The following MAPK10 variants were observed in gnomAD, a reference collection of about 807,000 sequenced individuals.
MAPK10 encodes the protein JNK3 alpha protein kinase.
MAPK10 carries 25 observed loss-of-function variants against 59.3 expected under a neutral mutation model. The ratio of observed to expected loss-of-function variants is 0.42; its 90% CI spans 0.31 to 0.59. The LOEUF (loss-of-function observed/expected upper bound fraction) is 0.59, where lower values mean the gene tolerates loss of function less well. Ranked by LOEUF, MAPK10 falls within the 20% of genes least tolerant of loss-of-function variation. The probability of loss-of-function intolerance (pLI) is 0.15; values close to 1 mark genes in which losing one functional copy is unlikely to be tolerated. For synonymous variants in MAPK10, 190 were observed against 200.5 expected, an observed-to-expected ratio of 0.95 and a Z score of 0.44; for missense variants, 351 against 568.9, an observed-to-expected ratio of 0.62 and a Z score of 3.90.
intron 1 of MAPK10, among the ~76,000 whole-genome samples, chr4:86,419,195 G>T (rs1479138570): frequency 6.6e-6 from 1 of 152,094 alleles, no homozygotes; most frequent in Non-Finnish European, 1.5e-5. Flanking sequence ...TTAAAGAACA[G>T]CTGTGGCTAT....
intron 9 of MAPK10, among the ~76,000 whole-genome samples, chr4:86,094,004 ATTGTC>A (rs2053745076): frequency 2.0e-5 from 3 of 151,906 alleles, no homozygotes; most frequent in African/African-American, 7.2e-5. Context: ...ATAACTCTGT[ATTGTC>A]TTAATTCTAA....
At chr4:86,562,765 T>C (rs558200800) in intron 1 of MAPK10, among the ~76,000 whole-genome samples, 45 of 152,276 alleles carry the variant, frequency 3.0e-4, no homozygotes, top group Admixed American at 2.7e-3. Flanking sequence ...AGTTAAACTA[T>C]GTTGCAAATC....
At chr4:86,284,976 C>T (rs1234130408) in intron 2 of MAPK10, among the ~76,000 whole-genome samples, 2 of 152,136 alleles carry the variant, frequency 1.3e-5, no homozygotes, top group Admixed American at 6.5e-5. Context: ...CTATCCATTG[C>T]CTTTTGCAGT....
intron 4 of MAPK10, chr4:86,152,354 T>A (rs1231658409): frequency 6.6e-6 from 1 of 152,168 alleles, no homozygotes; most frequent in Non-Finnish European, 1.5e-5. Flanking sequence ...ATGAAGTGAC[T>A]GAGTACCTTC....
intron 2 of MAPK10, among the ~76,000 whole-genome samples, chr4:86,348,581 T>A (rs1299096822): frequency 1.3e-5 from 2 of 152,164 alleles, no homozygotes; most frequent in African/African-American, 4.8e-5. Context: ...AAGCTCTTCA[T>A]ACTTGGTCAA....
At chr4:86,262,198 G>T (rs1390019752) in intron 2 of MAPK10, among the ~76,000 whole-genome samples, 1 of 152,180 alleles carries the variant, frequency 6.6e-6, no homozygotes, top group African/African-American at 2.4e-5. Context: ...GCGGGAGTGG[G>T]TTAGCTATCA....
At chr4:86,391,424 A>G (rs762333050) in intron 1 of MAPK10, among the ~76,000 whole-genome samples, 4 of 152,196 alleles carry the variant, frequency 2.6e-5, no homozygotes, top group African/African-American at 4.8e-5. Context: ...GCATGTATCT[A>G]CATGCAACGT....
rs2148890064 is a variant in MAPK10, at chr4:86,017,729, A to AT, written c.1253-360dup. On this transcript the variant is annotated intron_variant, in intron 13 of 13. Transcript: ENST00000641462. This position sits in a 1 kb window ranked among gnomAD's most constrained non-coding sequence, Gnocchi z 4.4. ...GGCCAAGGTATTTGCATTTTTATTT[A>AT]TTTATTTTTTTTGAGATGGAGTCTC... Among the ~76,000 whole-genome samples the AT allele has an allele frequency of 6.6e-6, 1 of 152,050 alleles. No individual in the cohort carries two copies. Among genetic ancestry groups the AT allele is most frequent in the South Asian group, 2.1e-4 (1 of 4,818 alleles).
At chr4:86,186,403 G>C (rs887543335) in intron 3 of MAPK10, among the ~76,000 whole-genome samples, 6 of 152,012 alleles carry the variant, frequency 3.9e-5, no homozygotes, top group Non-Finnish European at 8.8e-5. Flanking sequence ...TTCATTGCAG[G>C]CAACACATTT....
At chr4:86,267,171 G>T (rs2094277322) in intron 2 of MAPK10, among the ~76,000 whole-genome samples, 1 of 152,114 alleles carries the variant, frequency 6.6e-6, no homozygotes, top group Non-Finnish European at 1.5e-5. Context: ...GAACAGAAAA[G>T]TTCACAGAAG....
intron 1 of MAPK10, among the ~76,000 whole-genome samples, chr4:86,583,014 T>C (rs1762410152): frequency 1.3e-5 from 2 of 152,072 alleles, no homozygotes; most frequent in African/African-American, 4.8e-5. Context: ...TAATTAGTGA[T>C]TGATGGAAAA....
intron 11 of MAPK10, among the ~76,000 whole-genome samples, chr4:86,057,351 A>G (rs1484364517): frequency 6.7e-6 from 1 of 150,328 alleles, no homozygotes; most frequent in African/African-American, 2.5e-5. Context: ...ATCTGGTTGA[A>G]GATTAGCAGA....
intron 1 of MAPK10, among the ~76,000 whole-genome samples, chr4:86,405,844 A>T (rs1242046155): frequency 1.3e-5 from 2 of 152,198 alleles, no homozygotes; most frequent in East Asian, 3.9e-4. Flanking sequence ...TTTTAGCTCA[A>T]TGTCTAGAAG....
chr4:86,353,229 T>C (rs1364252396), intron 2 of MAPK10, among the ~76,000 whole-genome samples: 1 of 152,162 alleles, frequency 6.6e-6, no homozygotes, highest in Non-Finnish European at 1.5e-5. Context: ...AGAACACAAC[T>C]ACCTCCATTA....
chr4:86,274,601 C>T (rs1447304008), intron 2 of MAPK10, among the ~76,000 whole-genome samples: 1 of 151,856 alleles, frequency 6.6e-6, no homozygotes, highest in African/African-American at 2.4e-5. Flanking sequence ...ATATCCTCTG[C>T]TATTCTCTTT....
intron 4 of MAPK10, among the ~76,000 whole-genome samples, chr4:86,156,485 A>C (rs752998118): frequency 6.6e-6 from 1 of 152,058 alleles, no homozygotes; most frequent in Non-Finnish European, 1.5e-5. Context: ...CAAGACAGAA[A>C]TAATATGGCT....
At position 86,523,548 on chromosome 4, in the gene MAPK10, T is replaced by C. The variant is rs72868880; in HGVS notation, c.-263+70362A>G. 1.3e-3 allele frequency among the ~76,000 whole-genome samples: 201 copies of C among 152,374 alleles called. 1 individual carries two copies. The highest frequency in any genetic ancestry group is 4.7e-3 in the African/African-American group (194 of 41,588). On this transcript the variant is annotated intron_variant, in intron 1 of 4. Coordinates refer to the MAPK10 transcript ENST00000502302. Reference sequence around the variant, plus strand: ...TTCTTGCTTCATCACTTCTCTGTTATACTCGGATTTACATCACCATTGTGA... The same window carrying C: ...TTCTTGCTTCATCACTTCTCTGTTACACTCGGATTTACATCACCATTGTGA...
At chr4:86,475,339 G>A (rs977699153) in intron 1 of MAPK10, among the ~76,000 whole-genome samples, 4 of 152,090 alleles carry the variant, frequency 2.6e-5, no homozygotes, top group Admixed American at 6.5e-5. Flanking sequence ...TCCTCAGACC[G>A]ACCAGCCCAA....
In MAPK10 at chr4:86,067,813, A is replaced by G. The variant is rs201675203; in HGVS notation, c.945T>C (p.Asp315=). Reference sequence around the variant, plus strand: ...GCTCGGAGTCCGCTGGGAAGAGGGAATCTGGGAAGAGTTTGGGGAAGGTGA... The same window carrying G: ...GCTCGGAGTCCGCTGGGAAGAGGGAGTCTGGGAAGAGTTTGGGGAAGGTGA... ...AGLTFPKLFP[D]SLFPADSEHN... is the part of the protein sequence containing the mutation. The change falls in exon 10 of 14, where the codon GAT becomes GAC. Residue 315 remains aspartate (D), a synonymous_variant. Coordinates refer to ENST00000641462, the MANE Select transcript of MAPK10 (RefSeq NM_138982.4). 23 of 1,613,864 alleles carry G rather than the reference A, an allele frequency of 1.4e-5. No individual in the cohort carries two copies. The highest frequency in any genetic ancestry group is 9.3e-6 in the Non-Finnish European group (11 of 1,179,852).
Sources: gnomAD v4.1 joint callset for allele counts (sites outside exome capture counted in the v4.1 genomes callset) on GRCh38, gnomAD v4.1.1 for gene constraint, Gnocchi (gnomAD v3.1) non-coding constraint, MANE v1.5 for transcripts, NCBI Gene and HGNC (gene_info 2026-07-23, HGNC 2026-07-21) for gene names.